Variants in F11R observed in about 807,000 individuals in gnomAD.
F11R encodes the protein junctional adhesion molecule A.
In F11R, 27 loss-of-function variants were observed where a neutral mutation model predicts 39.3. The ratio of observed to expected loss-of-function variants is 0.69; its 90% CI spans 0.51 to 0.95. F11R has a LOEUF of 0.95. F11R is among the 40% of genes least tolerant of loss of function. The pLI is 0.00. For missense variants in F11R, 335 were observed against 372.7 expected (o/e 0.90, Z 0.83); for synonymous variants, 131 against 144.9 (o/e 0.90, Z 0.69).
chr1:160,999,057 T>G lies in F11R; in HGVS notation c.850A>C (p.Ser284Arg). Reference sequence around the variant, plus strand: ...GGCATACTCACTTCACTTCGGGCACTAGGCTGGCTGTAAATCACCTTCTTA... The same window carrying G: ...GGCATACTCACTTCACTTCGGGCACGAGGCTGGCTGTAAATCACCTTCTTA... Reference protein sequence around the residue: ...SSKKVIYSQPSARSEGEFKQT... With the variant: ...SSKKVIYSQPRARSEGEFKQT... Residue 284 changes from serine to arginine, a missense_variant, in exon 9 of 10, where the codon AGT (serine) becomes CGT (arginine). Ser to Arg is a moderately radical substitution (Grantham distance 110). Coordinates refer to ENST00000368026, the MANE Select transcript of F11R (RefSeq NM_016946.6). 6.2e-7 allele frequency: 1 copy of G among 1,614,240 alleles called. No individual in the cohort carries two copies. The highest frequency in any genetic ancestry group is 8.5e-7 in the Non-Finnish European group (1 of 1,180,042).
chr1:161,015,407 A>T (rs868772310), intron 1 of F11R, among the ~76,000 whole-genome samples: 5,103 of 136,058 alleles, frequency 0.038, 107 homozygotes, highest in African/African-American at 0.062. Flanking sequence ...CAAAAAAAAA[A>T]ATATATATAT....
At chr1:161,001,766 G>A (rs570226468) in intron 1 of F11R, among the ~76,000 whole-genome samples, 71 of 152,326 alleles carry the variant, frequency 4.7e-4, no homozygotes, top group African/African-American at 1.6e-3. Flanking sequence ...GGCAAGGGAT[G>A]GAAGGGAAGG....
Position 160,997,823 on chromosome 1 carries a change from CA to C in F11R, c.*1047del. 1 of 153,246 alleles carries C rather than the reference CA, an allele frequency of 6.5e-6. No homozygotes were observed. Among genetic ancestry groups the C allele is most frequent in the African/African-American group, 2.4e-5 (1 of 41,580 alleles). The allele number at this position is 153,246 out of a possible 1,614,324, so 9.5% of individuals were successfully genotyped here. ...ATTTCAGCATACAGCTAAGACTACA[CA>C]ACACACACACAAGCTCAACAAAGAG... On this transcript the variant is annotated 3_prime_UTR_variant, in exon 10 of 10. Coordinates refer to ENST00000368026, the MANE Select transcript of F11R (RefSeq NM_016946.6).
chr1:161,017,830 C>T (rs1394285029), intron 1 of F11R, among the ~76,000 whole-genome samples: 1 of 152,202 alleles, frequency 6.6e-6, no homozygotes, highest in Admixed American at 6.5e-5. Context: ...TTGAGGTATG[C>T]CTGCCCCTGA....
At position 160,996,774 on chromosome 1, in the gene F11R, C is replaced by T. The variant is rs950000905; in HGVS notation, c.*2097G>A. On this transcript the variant is annotated 3_prime_UTR_variant, in exon 10 of 10. Transcript: ENST00000368026. ...GAGCGAGACTCCGTCTTTAAAAAAA[C>T]AAAACAAAACAAAACAAAAAACAAC... The T allele has an allele frequency of 1.3e-5, 2 of 152,094 alleles. No homozygotes were observed. The highest frequency in any genetic ancestry group is 2.9e-5 in the Non-Finnish European group (2 of 68,042). The allele number at this position is 152,094 out of a possible 1,614,324, so 9.4% of individuals were successfully genotyped here. A position where few individuals can be genotyped will look rare whatever the true frequency, so the allele number is the denominator to read the frequency against.
intron 1 of F11R, among the ~76,000 whole-genome samples, chr1:161,010,441 C>CAAA (rs1248451719): frequency 1.2e-5 from 1 of 80,280 alleles, no homozygotes; most frequent in Non-Finnish European, 2.2e-5. Flanking sequence ...GAGACTCCAT[C>CAAA]AAAAAAAAAA....
At position 160,995,891 on chromosome 1, in the gene F11R, A is replaced by G. The variant is rs894023557; in HGVS notation, c.*2980T>C. 1 of 152,372 alleles carries G rather than the reference A, an allele frequency of 6.6e-6. No individual in the cohort carries two copies. The highest frequency in any genetic ancestry group is 2.4e-5 in the African/African-American group (1 of 41,458). 9.4% of individuals were successfully genotyped at this position (152,372 alleles called of 1,614,324 possible). On this transcript the variant is annotated 3_prime_UTR_variant, in exon 10 of 10. Transcript: ENST00000368026. ...CGACAGGAACAACAAACACATCCTT[A>G]ACACTCAATCATTTTATCCCAGATT...
rs1031310033 is a variant in F11R at position 160,995,405 on chromosome 1, G to C, written c.*3466C>G. 1 of 152,082 alleles carries C rather than the reference G, an allele frequency of 6.6e-6. No individual in the cohort carries two copies. The highest frequency in any genetic ancestry group is 6.6e-5 in the Admixed American group (1 of 15,248). The allele number at this position is 152,082 out of a possible 1,614,324, so 9.4% of individuals were successfully genotyped here. ...ACAGGAAAAACAGTGTTGGTCAAAG[G>C]GTACACGCTTTCAGTTACAAGATGA... On this transcript the variant is annotated 3_prime_UTR_variant, in exon 10 of 10. Coordinates refer to ENST00000368026, the MANE Select transcript of F11R (RefSeq NM_016946.6).
chr1:160,998,839 A>C lies in F11R; in HGVS notation c.*32T>G. On this transcript the variant is annotated 3_prime_UTR_variant, in exon 10 of 10. Coordinates refer to ENST00000368026, the MANE Select transcript of F11R (RefSeq NM_016946.6). ...AGTCCGGTAGCACCTGAGTAAGGCA[A>C]ATGCAGATGATAGGCGGTGAGCCGA... The C allele has an allele frequency of 6.2e-7, 1 of 1,612,810 alleles. No individual in the cohort carries two copies. The highest frequency in any genetic ancestry group is 8.5e-7 in the Non-Finnish European group (1 of 1,178,750).
At chr1:161,001,477 C>T (rs541690399) in intron 1 of F11R, 124 bp from the exon 2 acceptor site, 1 of 735,286 alleles carries the variant, frequency 1.4e-6, no homozygotes. Flanking sequence ...GGATTCCAGA[C>T]TTATGCTCCC....
Position 160,995,772 on chromosome 1 carries a change from C to A in F11R, c.*3099G>T, listed in dbSNP as rs75141013. On this transcript the variant is annotated 3_prime_UTR_variant, in exon 10 of 10. Coordinates refer to ENST00000368026, the MANE Select transcript of F11R (RefSeq NM_016946.6). ...TCACACACACACACACACACACACA[C>A]AAAAATGGTGATGTGTTAATTGACC... The A allele has an allele frequency of 2.9e-5, 4 of 137,046 alleles. No individual in the cohort carries two copies. The highest frequency in any genetic ancestry group is 3.2e-5 in the Non-Finnish European group (2 of 63,242). 8.5% of individuals were successfully genotyped at this position (137,046 alleles called of 1,614,324 possible). A position where few individuals can be genotyped will look rare whatever the true frequency, so the allele number is the denominator to read the frequency against.
At chr1:160,999,146 C>G in intron 8 of F11R, 55 bp from the exon 9 acceptor site, 2 of 1,610,520 alleles carry the variant, frequency 1.2e-6, no homozygotes, top group Non-Finnish European at 1.7e-6. Flanking sequence ...TTATTAACCT[C>G]CCCTTGCCAA....
At chr1:161,000,069 T>G in intron 5 of F11R, 77 bp downstream of exon 5, 1 of 1,598,888 alleles carries the variant, frequency 6.3e-7, no homozygotes, top group Non-Finnish European at 8.6e-7. Context: ...TTCACCCTGT[T>G]GCCTGTTCTT....
chr1:161,016,064 G>A lies in F11R; in HGVS notation c.64+4946C>T, dbSNP rs570025841. ...TAAAAGTGGTCTGGAGTGGCCAGGT[G>A]CAGGGGTTCACGCCTGTAATCCCAG... On this transcript the variant is annotated intron_variant, in intron 1 of 9. Transcript: ENST00000368026. Among the ~76,000 whole-genome samples the A allele has an allele frequency of 2.6e-5, 4 of 152,210 alleles. 1 individual carries two copies. The highest frequency in any genetic ancestry group is 6.8e-3 in the Middle Eastern group (2 of 294).
At chr1:161,019,624 G>A (rs2101994241) in intron 1 of F11R, among the ~76,000 whole-genome samples, 1 of 151,154 alleles carries the variant, frequency 6.6e-6, no homozygotes, top group Non-Finnish European at 1.5e-5. Context: ...AGGGAGACAT[G>A]AATGAAGAAG....
At chr1:161,007,973 G>A (rs547840687) in intron 1 of F11R, among the ~76,000 whole-genome samples, 7 of 152,044 alleles carry the variant, frequency 4.6e-5, no homozygotes, top group Admixed American at 1.3e-4. Flanking sequence ...ATATTTTCCC[G>A]TGCCTCTTCA....
At chr1:161,009,320 G>A (rs1427451208) in intron 1 of F11R, among the ~76,000 whole-genome samples, 1 of 151,910 alleles carries the variant, frequency 6.6e-6, no homozygotes, top group African/African-American at 2.4e-5. Flanking sequence ...GTCTCCCATG[G>A]TAAACCCCAA....
chr1:161,010,518 T>C (rs1048382709), intron 1 of F11R, among the ~76,000 whole-genome samples: 3 of 151,744 alleles, frequency 2.0e-5, no homozygotes, highest in Non-Finnish European at 2.9e-5. Flanking sequence ...CTGCCTGATT[T>C]TGAGGCTCTA....
At chr1:161,013,162 AG>A (rs1459475242) in intron 1 of F11R, among the ~76,000 whole-genome samples, 1 of 149,576 alleles carries the variant, frequency 6.7e-6, no homozygotes, top group Admixed American at 6.7e-5. Context: ...AAAGAGGAGG[AG>A]GGGGAAAAGG....
Sources: gnomAD v4.1 joint callset for allele counts (sites outside exome capture counted in the v4.1 genomes callset) on GRCh38, gnomAD v4.1.1 for gene constraint, MANE v1.5 for transcripts, NCBI Gene and HGNC (gene_info 2026-07-23, HGNC 2026-07-21) for gene names.